Variants in SYN3 observed in about 807,000 individuals in gnomAD.
SYN3 encodes synapsin III.
SYN3 carries 35 observed loss-of-function variants against 65.8 expected under a neutral mutation model. The ratio of observed to expected loss-of-function variants is 0.53; its 90% confidence interval spans 0.41 to 0.70. The LOEUF (loss-of-function observed/expected upper bound fraction) is 0.70, where lower values mean the gene tolerates loss of function less well. Among genes scored for constraint, SYN3 ranks in the 30% least tolerant of loss-of-function variants. The pLI, the probability that SYN3 is intolerant of heterozygous loss-of-function variation, is 0.00. For missense variants in SYN3, 680 were observed against 749.0 expected (o/e 0.91, Z 1.08); for synonymous variants, 270 against 292.9 (o/e 0.92, Z 0.80).
intron 4 of SYN3, among the ~76,000 whole-genome samples, chr22:32,912,807 T>G (rs2050086391): frequency 6.6e-6 from 1 of 152,018 alleles, no homozygotes; most frequent in Non-Finnish European, 1.5e-5. Flanking sequence ...CTAGACGAAG[T>G]TTGTGAAAAG....
intron 3 of SYN3, among the ~76,000 whole-genome samples, chr22:32,948,876 T>TAA (rs200190615): frequency 0.011 from 1,510 of 135,216 alleles, 23 homozygotes; most frequent in African/African-American, 0.039. Flanking sequence ...ATTAAATGTC[T>TAA]AAAAAAAAAA....
chr22:32,688,505 CTCTG>C (rs952293600), intron 6 of SYN3, among the ~76,000 whole-genome samples: 3 of 152,118 alleles, frequency 2.0e-5, no homozygotes, highest in African/African-American at 7.2e-5. Flanking sequence ...TCTTGATCCT[CTCTG>C]TCTGCTGCTT....
At chr22:32,762,086 G>C (rs2045497715) in intron 6 of SYN3, among the ~76,000 whole-genome samples, 1 of 152,214 alleles carries the variant, frequency 6.6e-6, no homozygotes, top group African/African-American at 2.4e-5. Context: ...CCTGAAGACA[G>C]AACGAGCCAG....
chr22:33,032,328 C>T (rs981104918), intron 1 of SYN3, among the ~76,000 whole-genome samples: 2 of 151,526 alleles, frequency 1.3e-5, no homozygotes, highest in South Asian at 4.2e-4. Flanking sequence ...GCCAACATGG[C>T]GAAACTCTGT....
At chr22:32,899,663 A>G (rs182386534) in intron 4 of SYN3, among the ~76,000 whole-genome samples, 1 of 152,328 alleles carries the variant, frequency 6.6e-6, no homozygotes, top group African/African-American at 2.4e-5. Flanking sequence ...ACCACATATA[A>G]TAAGGCCTGG....
At chr22:32,628,407 A>T (rs920003119) in intron 6 of SYN3, among the ~76,000 whole-genome samples, 7 of 152,170 alleles carry the variant, frequency 4.6e-5, no homozygotes, top group Admixed American at 3.9e-4. Flanking sequence ...CTGGAAGGAC[A>T]TCTGGGACTG....
At chr22:32,920,080 T>A (rs934176599) in intron 4 of SYN3, among the ~76,000 whole-genome samples, 2 of 152,188 alleles carry the variant, frequency 1.3e-5, no homozygotes, top group Non-Finnish European at 2.9e-5. Flanking sequence ...GCATTACTGA[T>A]GCTTCCTGGC....
intron 6 of SYN3, among the ~76,000 whole-genome samples, chr22:32,827,534 C>T (rs936204510): frequency 3.9e-5 from 6 of 152,202 alleles, no homozygotes; most frequent in African/African-American, 1.2e-4. Context: ...CTCATGTGAG[C>T]TTTACAATGA....
chr22:32,704,794 C>T (rs1020526971), intron 6 of SYN3, among the ~76,000 whole-genome samples: 2 of 152,190 alleles, frequency 1.3e-5, no homozygotes, highest in Non-Finnish European at 2.9e-5. Context: ...TCCTGATTTG[C>T]ATGTCTCTAA....
intron 6 of SYN3, among the ~76,000 whole-genome samples, chr22:32,736,674 A>G (rs1244265066): frequency 2.0e-5 from 3 of 152,216 alleles, no homozygotes; most frequent in Non-Finnish European, 4.4e-5. Context: ...ATCTGAGTCC[A>G]GAATCTATGC....
Position 32,599,273 on chromosome 22 carries a change from AGCTTGCTTAAGAAATAAAACACT to A in SYN3, c.712-2560_712-2538del, listed in dbSNP as rs536847112. On this transcript the variant is annotated intron_variant, in intron 6 of 13. Coordinates refer to ENST00000358763, the MANE Select transcript of SYN3 (RefSeq NM_003490.4). ...CTTAAAGAGCAATATTACAGACATC[AGCTTGCTTAAGAAATAAAACACT>A]GCTTAGACAGCTGAAGCCCCTGATG... Among the ~76,000 whole-genome samples, 562 of 152,194 alleles carry A rather than the reference AGCTTGCTTAAGAAATAAAACACT, an allele frequency of 3.7e-3. 2 individuals carry two copies. The highest frequency in any genetic ancestry group is 0.013 in the African/African-American group (531 of 41,510).
intron 4 of SYN3, among the ~76,000 whole-genome samples, chr22:32,877,106 C>T (rs2049004973): frequency 6.6e-6 from 1 of 152,210 alleles, no homozygotes; most frequent in South Asian, 2.1e-4. Context: ...GCCCCAATTC[C>T]AATGTGCCCT....
At chr22:32,549,101 T>C (rs1016275321) in intron 7 of SYN3, among the ~76,000 whole-genome samples, 1 of 152,158 alleles carries the variant, frequency 6.6e-6, no homozygotes, top group Non-Finnish European at 1.5e-5. Flanking sequence ...CATTGACTGC[T>C]GACCCACATG....
chr22:32,867,108 A>G (rs1055608123), intron 5 of SYN3, among the ~76,000 whole-genome samples: 1 of 152,336 alleles, frequency 6.6e-6, no homozygotes. Context: ...ATCTGGCTTC[A>G]GAGCTCACAC....
At chr22:32,925,013 GC>G (rs2050431451) in intron 4 of SYN3, among the ~76,000 whole-genome samples, 1 of 152,120 alleles carries the variant, frequency 6.6e-6, no homozygotes, top group African/African-American at 2.4e-5. Context: ...GACCGCTTGA[GC>G]CCAGGAGGTT....
intron 4 of SYN3, among the ~76,000 whole-genome samples, chr22:32,908,127 C>T (rs1014463542): frequency 6.6e-6 from 1 of 151,868 alleles, no homozygotes; most frequent in African/African-American, 2.4e-5. Flanking sequence ...ACTCTGTCCT[C>T]CAGGCTGGAG....
At chr22:32,794,678 C>T (rs886809782) in intron 6 of SYN3, among the ~76,000 whole-genome samples, 9 of 152,086 alleles carry the variant, frequency 5.9e-5, no homozygotes, top group East Asian at 3.9e-4. Flanking sequence ...ACAGAGTGTG[C>T]GAGGTGCCAA....
intron 6 of SYN3, chr22:32,785,108 A>T (rs2046159737): frequency 6.6e-6 from 1 of 152,002 alleles, no homozygotes. Flanking sequence ...GGACAAAAAA[A>T]AACCAGGTGA....
In SYN3 at chr22:32,869,121, A is replaced by C; in HGVS notation, c.466T>G (p.Ser156Ala). ...VRNGTKVVSR[S>A]FKPDFILVRQ... ...ACCAGGATGAAGTCTGGCTTGAAGG[A>C]TCTGCTGAGAAAGCCAACAGCAGTG... Residue 156 changes from serine (S) to alanine (A), a missense_variant, in exon 5 of 14, where the codon TCC (serine) becomes GCC (alanine). Transcript: ENST00000358763. 1 of 1,613,028 alleles carries C rather than the reference A, an allele frequency of 6.2e-7. No homozygotes were observed. The highest frequency in any genetic ancestry group is 1.3e-5 in the African/African-American group (1 of 75,028).
Sources: gnomAD v4.1 joint callset for allele counts (sites outside exome capture counted in the v4.1 genomes callset) on GRCh38, gnomAD v4.1.1 for gene constraint, MANE v1.5 for transcripts, NCBI Gene and HGNC (gene_info 2026-07-23, HGNC 2026-07-21) for gene names.